The following TMEM63A variants were observed in gnomAD, a reference collection of about 807,000 sequenced individuals.
TMEM63A encodes mechanosensitive cation channel TMEM63A.
In TMEM63A, 76 loss-of-function variants were observed where a neutral mutation model predicts 100.6. The observed-to-expected ratio is 0.76, with a 90% CI of 0.63 to 0.91. The LOEUF (loss-of-function observed/expected upper bound fraction) is 0.91, where lower values mean the gene tolerates loss of function less well. Ranked by LOEUF, TMEM63A falls within the 40% of genes least tolerant of loss-of-function variation. The probability of loss-of-function intolerance (pLI) is 0.00; values close to 1 mark genes in which losing one functional copy is unlikely to be tolerated. For missense variants in TMEM63A, 876 were observed against 1,008.8 expected (o/e 0.87, Z 1.78); for synonymous variants, 401 against 401.1 (o/e 1.00, Z 0.00).
chr1:225,843,196 T>G (rs1425288310), downstream of TMEM63A, among the ~76,000 whole-genome samples: 1 of 141,258 alleles, frequency 7.1e-6, no homozygotes, highest in East Asian at 2.1e-4. Context: ...ACTGTGAGAG[T>G]CCAGTGGAAG....
chr1:225,849,338 TAG>T (rs1669201173), intron 21 of TMEM63A, among the ~76,000 whole-genome samples: 1 of 152,152 alleles, frequency 6.6e-6, no homozygotes, highest in South Asian at 2.1e-4. Flanking sequence ...TGCCCTGGGC[TAG>T]AGAGGATGGA....
intron 6 of TMEM63A, among the ~76,000 whole-genome samples, chr1:225,868,760 C>T (rs936922018): frequency 6.6e-6 from 1 of 152,076 alleles, no homozygotes; most frequent in Non-Finnish European, 1.5e-5. Context: ...TTCCTGTCTC[C>T]CCCTCAGATG....
chr1:225,871,635 G>T lies in TMEM63A; in HGVS notation c.333+352C>A, dbSNP rs1462126723. The T allele has an allele frequency of 5.0e-5, 15 of 301,886 alleles. No homozygotes were observed. In the East Asian group the frequency reaches 8.7e-4, roughly 18 times the overall value. 18.7% of individuals were successfully genotyped at this position (301,886 alleles called of 1,614,324 possible). On this transcript the variant is annotated intron_variant, in intron 5 of 24. Transcript: ENST00000366835. ...AAACACCTACTATGCATCAGGCGCT[G>T]GGAAACAGGGCTGGAGAGGGCAGGG...
At chr1:225,871,409 C>T (rs1020421570) in intron 5 of TMEM63A, among the ~76,000 whole-genome samples, 1 of 152,134 alleles carries the variant, frequency 6.6e-6, no homozygotes, top group Non-Finnish European at 1.5e-5. Context: ...TGATTGTTTA[C>T]AATCACTGAC....
At chr1:225,856,327 G>GTTTTTTT (rs71574544) in intron 17 of TMEM63A, among the ~76,000 whole-genome samples, 7 of 108,044 alleles carry the variant, frequency 6.5e-5, no homozygotes, top group Admixed American at 1.9e-4. Context: ...TTTCAAGCTG[G>GTTTTTTT]TTTTTTTTTT....
chr1:225,871,257 G>T, intron 5 of TMEM63A, 144 bp from the exon 6 acceptor site: 1 of 785,900 alleles, frequency 1.3e-6, no homozygotes, highest in Non-Finnish European at 2.1e-6. Flanking sequence ...GCAAGCATGA[G>T]CCCAGTACTT....
At chr1:225,852,810 A>T (rs1435613155) in intron 19 of TMEM63A, 41 bp from the exon 20 acceptor site, 1 of 1,561,020 alleles carries the variant, frequency 6.4e-7, no homozygotes, top group Non-Finnish European at 8.8e-7. Context: ...GACTTGTTCC[A>T]CCTCAAACAC....
chr1:225,863,361 G>A (rs747232823), intron 10 of TMEM63A, among the ~76,000 whole-genome samples: 6 of 152,064 alleles, frequency 3.9e-5, no homozygotes, highest in Non-Finnish European at 7.4e-5. Flanking sequence ...TTTTTTAGTA[G>A]TATGAAGCTA....
chr1:225,871,439 G>C, intron 5 of TMEM63A: 1 of 293,940 alleles, frequency 3.4e-6, no homozygotes, highest in Admixed American at 4.3e-5. Flanking sequence ...AGGCAAAAGA[G>C]AGGAAACAAG....
At chr1:225,861,975 G>T in intron 13 of TMEM63A, 1 of 603,062 alleles carries the variant, frequency 1.7e-6, no homozygotes, top group Non-Finnish European at 2.9e-6. Flanking sequence ...ACATCAGCTC[G>T]AGGGGGTCAG....
Position 225,862,710 on chromosome 1 carries a change from T to C in TMEM63A, c.827+61A>G, listed in dbSNP as rs374812692. 7.0e-4 allele frequency: 1,125 copies of C among 1,611,576 alleles called. 6 individuals carry two copies. In the African/African-American group the frequency reaches 0.011, roughly 16 times the overall value. On this transcript the variant is annotated intron_variant, in intron 11 of 24. Coordinates refer to ENST00000366835, the MANE Select transcript of TMEM63A (RefSeq NM_014698.3). The surrounding 1 kb of genome is among the most constrained non-coding windows in gnomAD (Gnocchi z 5.1). ...AGGGCCTCCCGCCTCCCTTCCTAGC[T>C]GGGAGATGCGAGGCCAGCAAGGAAG...
At position 225,877,379 on chromosome 1, in the gene TMEM63A, T is replaced by C. The variant is rs1294205598; in HGVS notation, c.186+16A>G. On this transcript the variant is annotated intron_variant, in intron 3 of 24. Transcript: ENST00000366835. ...AATAACTGAGGCAGTGGGACACGAC[T>C]CATGAGGGCTCTCACCAGGAAGCAG... 7.5e-6 allele frequency: 12 copies of C among 1,604,176 alleles called. No individual in the cohort carries two copies. The Admixed American group carries it at 1.7e-4, about 22-fold the overall frequency.
rs1460017111 is a variant in TMEM63A at position 225,848,495 on chromosome 1, G to T, written c.2247C>A (p.Phe749Leu). ...GAGGCTGAGGGGCACAGCTTACTGT[G>T]AACGGTGGGGGCATGTGGGCCTCTG... The part of the protein sequence containing the change: ...SEAEAHMPPP[F>L]TPYVPRILNG... Residue 749 changes from phenylalanine (F) to leucine (L), a missense_variant, in exon 23 of 25, where the codon TTC (phenylalanine) becomes TTA (leucine). Physicochemically the swap from Phe to Leu is conservative, Grantham distance 22 (BLOSUM62 0). Around this residue, in one of 5 missense-constraint regions of TMEM63A, gnomAD observed 339 missense variants for 342.3 expected, o/e 0.99. Coordinates refer to ENST00000366835, the MANE Select transcript of TMEM63A (RefSeq NM_014698.3). The T allele has an allele frequency of 1.9e-6, 3 of 1,614,030 alleles. No homozygotes were observed. In the Admixed American group the frequency reaches 5.0e-5, roughly 27 times the overall value.
Position 225,862,675 on chromosome 1 carries a change from G to A in TMEM63A, c.827+96C>T. 6.2e-7 allele frequency: 1 copy of A among 1,604,140 alleles called. No individual in the cohort carries two copies. The highest frequency in any genetic ancestry group is 8.5e-7 in the Non-Finnish European group (1 of 1,173,776). ...TCAACCATCGAACGCCAGGGGAGAA[G>A]GAGGGGTCCAGGGCCTCCCGCCTCC... On this transcript the variant is annotated intron_variant, in intron 11 of 24. Coordinates refer to ENST00000366835, the MANE Select transcript of TMEM63A (RefSeq NM_014698.3). The surrounding 1 kb of genome is among the most constrained non-coding windows in gnomAD (Gnocchi z 5.1).
intron 1 of TMEM63A, among the ~76,000 whole-genome samples, chr1:225,880,526 T>G (rs1371079359): frequency 6.6e-6 from 1 of 152,116 alleles, no homozygotes; most frequent in Non-Finnish European, 1.5e-5. Context: ...ACTGCCTGGC[T>G]GAGAACCCCT....
intron 3 of TMEM63A, 98 bp from the exon 4 acceptor site, chr1:225,874,465 C>G: frequency 9.6e-7 from 1 of 1,040,742 alleles, no homozygotes; most frequent in Admixed American, 2.3e-5. Flanking sequence ...CCGCACTCAG[C>G]AGGGCTAGAA....
At chr1:225,877,625 C>A (rs369147173) in intron 2 of TMEM63A, 31 bp from the exon 3 acceptor site, 190 of 1,567,250 alleles carry the variant, frequency 1.2e-4, no homozygotes, top group Non-Finnish European at 1.5e-4. Context: ...ACAAGGCAGA[C>A]GTTCAGGGCT....
intron 2 of TMEM63A, 62 bp from the exon 3 acceptor site, chr1:225,877,656 A>G (rs1670876648): frequency 6.7e-7 from 1 of 1,496,144 alleles, no homozygotes; most frequent in African/African-American, 1.4e-5. Flanking sequence ...GCAGGTTCCC[A>G]CCAGTGCTGG....
rs542964055 is a variant in TMEM63A at position 225,877,434 on chromosome 1, G to A, written c.147C>T (p.Gly49=). ...CGTCTATGAGCAGGACAGTGGGGAT[G>A]CCACCAAAGGTGACCCCCTGGAGCA... is the stretch of plus-strand genomic sequence containing the variant. The part of the protein sequence containing the change: ...STVLQGVTFG[G]IPTVLLIDVS... The change falls in exon 3 of 25, where the codon GGC becomes GGT. Residue 49 remains glycine (G), a synonymous_variant. Coordinates refer to ENST00000366835, the MANE Select transcript of TMEM63A (RefSeq NM_014698.3). 19 of 1,614,208 alleles carry A rather than the reference G, an allele frequency of 1.2e-5. No individual in the cohort carries two copies. The South Asian group carries it at 2.0e-4, about 17-fold the overall frequency.
Sources: gnomAD v4.1 joint callset for allele counts (sites outside exome capture counted in the v4.1 genomes callset) on GRCh38, gnomAD v4.1.1 for gene constraint, gnomAD v4.1.1 regional missense constraint, Gnocchi (gnomAD v3.1) non-coding constraint, MANE v1.5 for transcripts, NCBI Gene and HGNC (gene_info 2026-07-23, HGNC 2026-07-21) for gene names.